KCNK13: variants seen among roughly 807,000 people sequenced by gnomAD.
KCNK13 encodes potassium channel subfamily K member 13.
In KCNK13, 12 loss-of-function variants were observed where a neutral mutation model predicts 23.4. The observed-to-expected ratio is 0.51, with a 90% CI of 0.33 to 0.83. KCNK13 has a LOEUF of 0.83. Ranked by LOEUF, KCNK13 falls within the 40% of genes least tolerant of loss-of-function variation. KCNK13 has a pLI of 0.02. For synonymous variants in KCNK13, 231 were observed against 229.5 expected, an observed-to-expected ratio of 1.01 and a Z score of -0.06; for missense variants, 463 against 556.3, an observed-to-expected ratio of 0.83 and a Z score of 1.69.
chr14:90,142,539 C>T (rs8003963), intron 1 of KCNK13, among the ~76,000 whole-genome samples: 13 of 151,144 alleles, frequency 8.6e-5, no homozygotes, highest in Non-Finnish European at 1.5e-4. Context: ...AGGATAGTCT[C>T]GATCTCCTGA....
chr14:90,116,997 A>G (rs73330292), intron 1 of KCNK13, among the ~76,000 whole-genome samples: 2,561 of 152,306 alleles, frequency 0.017, 66 homozygotes, highest in African/African-American at 0.058. Flanking sequence ...ATACGTATCT[A>G]TAATAACATT....
chr14:90,106,419 A>G (rs1889544286), intron 1 of KCNK13, among the ~76,000 whole-genome samples: 1 of 151,826 alleles, frequency 6.6e-6, no homozygotes, highest in Non-Finnish European at 1.5e-5. Flanking sequence ...TACTAAAAAT[A>G]CAAAAATTAG....
chr14:90,113,290 A>T (rs1889637489), intron 1 of KCNK13, among the ~76,000 whole-genome samples: 1 of 152,196 alleles, frequency 6.6e-6, no homozygotes, highest in African/African-American at 2.4e-5. Flanking sequence ...TGAAAGAATT[A>T]AAGTAGCTTG....
At chr14:90,161,676 G>A (rs1254998440) in intron 1 of KCNK13, among the ~76,000 whole-genome samples, 1 of 152,198 alleles carries the variant, frequency 6.6e-6, no homozygotes, top group Non-Finnish European at 1.5e-5. Flanking sequence ...ACTCGGTTTG[G>A]TAAGGATGTC....
chr14:90,070,425 G>A (rs1017836605), intron 1 of KCNK13, among the ~76,000 whole-genome samples: 3 of 152,086 alleles, frequency 2.0e-5, no homozygotes, highest in African/African-American at 7.2e-5. Context: ...TTTTCTGCTG[G>A]GAGCAGGGGG....
At chr14:90,144,255 C>T (rs953670804) in intron 1 of KCNK13, among the ~76,000 whole-genome samples, 1 of 152,106 alleles carries the variant, frequency 6.6e-6, no homozygotes, top group African/African-American at 2.4e-5. Context: ...TTTCAGTGTA[C>T]TGGTCTTGTA....
intron 1 of KCNK13, among the ~76,000 whole-genome samples, chr14:90,072,484 C>T (rs1322636584): frequency 1.3e-5 from 2 of 152,084 alleles, no homozygotes; most frequent in Admixed American, 1.3e-4. Flanking sequence ...TGGGTGGAGT[C>T]CCCCAGTTGA....
chr14:90,184,457 A>G lies in KCNK13; in HGVS notation c.681A>G (p.Ser227=). 1 of 1,613,942 alleles carries G rather than the reference A, an allele frequency of 6.2e-7. No individual in the cohort carries two copies. The highest frequency in any genetic ancestry group is 8.5e-7 in the Non-Finnish European group (1 of 1,179,986). Residue 227 remains serine (S), a synonymous_variant, in exon 2 of 2, where the codon TCA becomes TCG. Transcript: ENST00000282146. The surrounding 1 kb of genome is among the most constrained non-coding windows in gnomAD (Gnocchi z 5.6). The part of the protein sequence containing the change: ...TPIEGWSYFD[S]LYFCFVAFST... Reference sequence around the variant, plus strand: ...TTGAAGGCTGGAGCTACTTTGACTCACTCTACTTCTGTTTTGTGGCTTTCA... The same window carrying G: ...TTGAAGGCTGGAGCTACTTTGACTCGCTCTACTTCTGTTTTGTGGCTTTCA...
chr14:90,116,780 G>T (rs2140415290), intron 1 of KCNK13, among the ~76,000 whole-genome samples: 1 of 152,248 alleles, frequency 6.6e-6, no homozygotes, highest in South Asian at 2.1e-4. Context: ...TCTTACAAGG[G>T]GTTGCAAGCA....
rs541974032 is a variant in KCNK13, at chr14:90,085,362, T to C, written c.334+22823T>C. ...ATTTTGTTTAGGATTTTTGCATCAG[T>C]ATTCAAAAGAAATAGGCCGGGCATA... On this transcript the variant is annotated intron_variant, in intron 1 of 1. Coordinates refer to ENST00000282146, the MANE Select transcript of KCNK13 (RefSeq NM_022054.4). 2.0e-5 allele frequency among the ~76,000 whole-genome samples: 3 copies of C among 152,070 alleles called. No individual in the cohort carries two copies. The South Asian group carries it at 6.2e-4, about 32-fold the overall frequency.
At chr14:90,138,060 CAG>C (rs1300253861) in intron 1 of KCNK13, among the ~76,000 whole-genome samples, 4 of 151,990 alleles carry the variant, frequency 2.6e-5, no homozygotes, top group African/African-American at 7.3e-5. Context: ...GTACCCATAA[CAG>C]AGAAAAAAAT....
chr14:90,115,826 G>T (rs1317406218), intron 1 of KCNK13, among the ~76,000 whole-genome samples: 1 of 152,230 alleles, frequency 6.6e-6, no homozygotes, highest in East Asian at 1.9e-4. Flanking sequence ...ATCTCTGTGG[G>T]TGGTGCCCAG....
At chr14:90,063,669 C>T (rs1888973109) in intron 1 of KCNK13, among the ~76,000 whole-genome samples, 1 of 152,122 alleles carries the variant, frequency 6.6e-6, no homozygotes, top group East Asian at 1.9e-4. Flanking sequence ...TAGAAGAGCT[C>T]GCTGGTGAGG....
At chr14:90,101,365 G>A (rs1025832502) in intron 1 of KCNK13, among the ~76,000 whole-genome samples, 20 of 152,048 alleles carry the variant, frequency 1.3e-4, no homozygotes, top group African/African-American at 3.4e-4. Flanking sequence ...TGTTGTCCTC[G>A]TATGGCAAAA....
chr14:90,157,062 A>G (rs1018127762), intron 1 of KCNK13, among the ~76,000 whole-genome samples: 1 of 152,180 alleles, frequency 6.6e-6, no homozygotes, highest in Non-Finnish European at 1.5e-5. Flanking sequence ...ATATAATCAG[A>G]CACTCCCATC....
In KCNK13 at chr14:90,139,478, G is replaced by A. The variant is rs1054115789; in HGVS notation, c.335-44633G>A. Among the ~76,000 whole-genome samples the A allele has an allele frequency of 1.0e-4, 15 of 145,354 alleles. No individual in the cohort carries two copies. In the East Asian group the frequency reaches 2.6e-3, roughly 26 times the overall value. ...GAGGCAAGACTTCGAGCATGCGGGG[G>A]CCCTGTAAGGCAGTGAGGAGGTGGA... On this transcript the variant is annotated intron_variant, in intron 1 of 1. Transcript: ENST00000282146.
intron 1 of KCNK13, among the ~76,000 whole-genome samples, chr14:90,179,021 A>G (rs1890456182): frequency 6.6e-6 from 1 of 152,226 alleles, no homozygotes; most frequent in Non-Finnish European, 1.5e-5. Context: ...AAACCTGAAT[A>G]TGGACTGGGT....
intron 1 of KCNK13, among the ~76,000 whole-genome samples, chr14:90,176,095 C>T (rs1890419601): frequency 6.6e-6 from 1 of 152,174 alleles, no homozygotes; most frequent in Non-Finnish European, 1.5e-5. Context: ...GGAAAAACAG[C>T]AAGTGCTTAC....
At chr14:90,101,257 A>T (rs1164056086) in intron 1 of KCNK13, among the ~76,000 whole-genome samples, 1 of 152,116 alleles carries the variant, frequency 6.6e-6, no homozygotes, top group African/African-American at 2.4e-5. Flanking sequence ...TCTCTCTGAA[A>T]TCGCTTCTGG....
Sources: allele counts gnomAD v4.1 joint callset (sites outside exome capture counted in the v4.1 genomes callset), GRCh38; gene constraint gnomAD v4.1.1; non-coding constraint Gnocchi (gnomAD v3.1); transcripts MANE v1.5; gene names NCBI Gene and HGNC (gene_info 2026-07-23, HGNC 2026-07-21).